Variants in CSMD1 observed in about 807,000 individuals in gnomAD.
CSMD1 encodes CUB and sushi domain-containing protein 1.
Under a neutral mutation model 417.5 loss-of-function variants are expected in CSMD1, and 213 were observed. The observed-to-expected ratio is 0.51, with a 90% confidence interval of 0.46 to 0.57. CSMD1 has a LOEUF of 0.57. CSMD1 is among the 20% of genes least tolerant of loss of function. The probability of loss-of-function intolerance (pLI) is 0.00; values close to 1 mark genes in which losing one functional copy is unlikely to be tolerated. For missense variants in CSMD1, 6,923 were observed against 4,529.7 expected, an observed-to-expected ratio of 1.53 and a Z score of -15.17; for synonymous variants, 2,862 against 1,736.8, an observed-to-expected ratio of 1.65 and a Z score of -16.11.
chr8:4,212,751 CTTTTTTTTT>C (rs5889027), intron 3 of CSMD1, among the ~76,000 whole-genome samples: 3 of 99,268 alleles, frequency 3.0e-5, no homozygotes, highest in African/African-American at 1.3e-4. Flanking sequence ...CGGCCTTATT[CTTTTTTTTT>C]TTTTTTTTTT....
intron 25 of CSMD1, among the ~76,000 whole-genome samples, chr8:3,295,499 A>C (rs1803899139): frequency 6.6e-6 from 1 of 152,144 alleles, no homozygotes; most frequent in Non-Finnish European, 1.5e-5. Flanking sequence ...AATTTACTTT[A>C]AAACTGTAAG....
rs575100847 is a variant in CSMD1, at chr8:3,190,024, G to T, written c.5286C>A (p.Ile1762=). 1.4e-5 allele frequency: 23 copies of T among 1,595,138 alleles called. No homozygotes were observed. In the African/African-American group the frequency reaches 3.1e-4, roughly 21 times the overall value. The change falls in exon 34 of 70, where the codon ATC becomes ATA. Residue 1762 remains isoleucine, a synonymous_variant. Transcript: ENST00000635120. ...ATCCCGGGTTGCACTCGAATCGGAC[G>T]ATGGAGCCGGCAGAAAACTCAGAAC... The part of the protein sequence containing the change: ...RIGSEFSAGS[I]VRFECNPGYL...
chr8:4,028,805 C>T (rs763526754), intron 4 of CSMD1, among the ~76,000 whole-genome samples: 4 of 152,160 alleles, frequency 2.6e-5, no homozygotes, highest in Non-Finnish European at 4.4e-5. Flanking sequence ...AATTTTCTGG[C>T]ATCTCATTAA....
intron 3 of CSMD1, among the ~76,000 whole-genome samples, chr8:4,171,487 G>A (rs1157434160): frequency 6.6e-6 from 1 of 151,776 alleles, no homozygotes; most frequent in South Asian, 2.1e-4. Context: ...AAGAACAGAT[G>A]CATATGTGAT....
intron 22 of CSMD1, 140 bp downstream of exon 22, chr8:3,347,852 T>C (rs895520301): frequency 5.0e-5 from 28 of 563,232 alleles, no homozygotes; most frequent in Non-Finnish European, 5.7e-5. Flanking sequence ...CTCAAACTCA[T>C]TGTGTAAATA....
At chr8:4,022,688 G>A (rs991139676) in intron 4 of CSMD1, among the ~76,000 whole-genome samples, 18 of 152,146 alleles carry the variant, frequency 1.2e-4, no homozygotes, top group Admixed American at 9.8e-4. Flanking sequence ...GGGAAATGAA[G>A]GCAAGTGGGA....
chr8:3,885,382 A>G (rs1806492667), intron 5 of CSMD1, among the ~76,000 whole-genome samples: 1 of 152,182 alleles, frequency 6.6e-6, no homozygotes, highest in East Asian at 1.9e-4. Context: ...TAAAAGCTTG[A>G]AGCTGCCAAT....
At chr8:4,530,703 C>T (rs571691466) in intron 2 of CSMD1, among the ~76,000 whole-genome samples, 1 of 151,038 alleles carries the variant, frequency 6.6e-6, no homozygotes, top group South Asian at 2.1e-4. Context: ...GCATAGTGTT[C>T]CATGGTGTAT....
intron 37 of CSMD1, 48 bp downstream of exon 37, chr8:3,181,062 T>C: frequency 8.8e-7 from 1 of 1,140,316 alleles, no homozygotes. Flanking sequence ...TTTAAAAAAA[T>C]GACTCAGTAT....
intron 5 of CSMD1, among the ~76,000 whole-genome samples, chr8:3,904,297 C>G (rs974269600): frequency 6.6e-6 from 1 of 152,050 alleles, no homozygotes; most frequent in Admixed American, 6.6e-5. Flanking sequence ...TGGAGGACAC[C>G]CCTTTCTTTC....
chr8:4,624,001 A>C (rs1382382572), intron 2 of CSMD1, among the ~76,000 whole-genome samples: 2 of 152,276 alleles, frequency 1.3e-5, no homozygotes, highest in East Asian at 3.9e-4. Flanking sequence ...ATATACCTTT[A>C]AATGTGAATA....
At chr8:4,471,707 T>C (rs568400875) in intron 2 of CSMD1, among the ~76,000 whole-genome samples, 13 of 151,440 alleles carry the variant, frequency 8.6e-5, no homozygotes, top group Non-Finnish European at 1.8e-4. Context: ...ACGACCCATC[T>C]TCAAAGAAAA....
At chr8:4,726,243 T>A (rs767611786) in intron 1 of CSMD1, among the ~76,000 whole-genome samples, 2 of 152,026 alleles carry the variant, frequency 1.3e-5, no homozygotes, top group African/African-American at 4.8e-5. Context: ...AAAACTCTTG[T>A]GTGTTTCTAC....
chr8:4,146,388 G>C (rs546173093), intron 3 of CSMD1, among the ~76,000 whole-genome samples: 2 of 150,446 alleles, frequency 1.3e-5, no homozygotes, highest in South Asian at 4.2e-4. Context: ...CTGGCAATTC[G>C]GGGTTGATAA....
intron 3 of CSMD1, among the ~76,000 whole-genome samples, chr8:4,052,440 G>A (rs556590835): frequency 2.0e-5 from 3 of 152,292 alleles, no homozygotes; most frequent in Non-Finnish European, 4.4e-5. Context: ...ATCTTGTAGT[G>A]AGGGGTGATT....
intron 10 of CSMD1, among the ~76,000 whole-genome samples, chr8:3,533,822 TC>T (rs1401041099): frequency 1.3e-5 from 2 of 152,204 alleles, no homozygotes; most frequent in Non-Finnish European, 2.9e-5. Context: ...TCACTTTTTT[TC>T]TCCCAAGTAG....
intron 5 of CSMD1, among the ~76,000 whole-genome samples, chr8:3,803,693 G>C (rs778102661): frequency 6.6e-6 from 1 of 152,194 alleles, no homozygotes; most frequent in Non-Finnish European, 1.5e-5. Flanking sequence ...TTGTTGGTCA[G>C]AATTAGGAGT....
At position 3,761,297 on chromosome 8, in the gene CSMD1, T is replaced by C. The variant is rs886411560; in HGVS notation, c.819-7255A>G. Reference sequence around the variant, plus strand: ...ACACAATAATACCCAGACACAAATATATATGTACACACGCACATACACATA... The same window carrying C: ...ACACAATAATACCCAGACACAAATACATATGTACACACGCACATACACATA... On this transcript the variant is annotated intron_variant, in intron 5 of 69. Transcript: ENST00000635120. Among the ~76,000 whole-genome samples, 9 of 152,126 alleles carry C rather than the reference T, an allele frequency of 5.9e-5. No homozygotes were observed. In the East Asian group the frequency reaches 1.2e-3, roughly 20 times the overall value.
chr8:3,510,999 G>C (rs538551169), intron 10 of CSMD1, among the ~76,000 whole-genome samples: 34 of 151,848 alleles, frequency 2.2e-4, no homozygotes, highest in Non-Finnish European at 4.4e-4. Context: ...ATCAATGATA[G>C]ACCAAACAAA....
Sources: gnomAD v4.1 joint callset for allele counts (sites outside exome capture counted in the v4.1 genomes callset) on GRCh38, gnomAD v4.1.1 for gene constraint, MANE v1.5 for transcripts, NCBI Gene and HGNC (gene_info 2026-07-23, HGNC 2026-07-21) for gene names.